The following SLC24A2 variants were observed in gnomAD, a reference collection of about 807,000 sequenced individuals.
SLC24A2 encodes the protein sodium/potassium/calcium exchanger 2.
A neutral mutation model predicts 62.0 loss-of-function variants in SLC24A2; 36 were observed. The ratio of observed to expected loss-of-function variants is 0.58; its 90% CI spans 0.44 to 0.77. SLC24A2 has a LOEUF of 0.77. SLC24A2 is among the 30% of genes least tolerant of loss of function. SLC24A2 has a pLI of 0.00. For missense variants in SLC24A2, 846 were observed against 817.9 expected, an observed-to-expected ratio of 1.03 and a Z score of -0.42; for synonymous variants, 358 against 294.0, an observed-to-expected ratio of 1.22 and a Z score of -2.23.
chr9:19,984,017 A>T, the SLC24A2 span, among the ~76,000 whole-genome samples: 2 of 152,224 alleles, frequency 1.3e-5, no homozygotes, highest in African/African-American at 4.8e-5. Context: ...CAATGTGGTT[A>T]TGTCCAGAGA....
the SLC24A2 span, among the ~76,000 whole-genome samples, chr9:19,906,109 G>C: frequency 2.0e-5 from 3 of 152,164 alleles, no homozygotes; most frequent in African/African-American, 7.2e-5. Flanking sequence ...TAAAAGAACT[G>C]AAATTATAAC....
intron 2 of SLC24A2, among the ~76,000 whole-genome samples, chr9:19,646,846 T>C (rs1284210875): frequency 6.6e-6 from 1 of 152,086 alleles, no homozygotes; most frequent in Non-Finnish European, 1.5e-5. Context: ...AACACATATA[T>C]GTACACATGC....
chr9:19,757,323 T>C (rs1370007335), intron 2 of SLC24A2, among the ~76,000 whole-genome samples: 1 of 152,146 alleles, frequency 6.6e-6, no homozygotes, highest in African/African-American at 2.4e-5. Flanking sequence ...GCAAAATACA[T>C]GGCTGTATAA....
At position 19,512,813 on chromosome 9, in the gene SLC24A2, T is replaced by C. The variant is rs1832766711; in HGVS notation, c.*3340A>G. 1 of 152,052 alleles carries C rather than the reference T, an allele frequency of 6.6e-6. No homozygotes were observed. The highest frequency in any genetic ancestry group is 2.4e-5 in the African/African-American group (1 of 41,392). The allele number at this position is 152,052 out of a possible 1,614,324, so 9.4% of individuals were successfully genotyped here. A position where few individuals can be genotyped will look rare whatever the true frequency, so the allele number is the denominator to read the frequency against. ...CCCTGCTCCAGAGAAGCAAAGAGAG[T>C]ATCTGCAGTCTAAATTTTTGCTTTG... On this transcript the variant is annotated 3_prime_UTR_variant, in exon 11 of 11. Transcript: ENST00000341998.
chr9:19,915,269 CTTTT>C, the SLC24A2 span, among the ~76,000 whole-genome samples: 1 of 152,196 alleles, frequency 6.6e-6, no homozygotes, highest in Non-Finnish European at 1.5e-5. Flanking sequence ...GCGCTTCGTT[CTTTT>C]TTATTGCCTA....
At chr9:19,625,681 T>C (rs1818015217) in intron 2 of SLC24A2, among the ~76,000 whole-genome samples, 2 of 130,604 alleles carry the variant, frequency 1.5e-5, no homozygotes, top group South Asian at 3.0e-4. Flanking sequence ...CATTTCCTTT[T>C]TTTTCTTTTC....
intron 2 of SLC24A2, among the ~76,000 whole-genome samples, chr9:19,759,128 C>T (rs964824169): frequency 6.6e-6 from 1 of 152,166 alleles, no homozygotes; most frequent in African/African-American, 2.4e-5. Context: ...ACAAAAGACA[C>T]CTACAAACAG....
At chr9:19,997,035 T>TG in the SLC24A2 span, among the ~76,000 whole-genome samples, 9 of 150,464 alleles carry the variant, frequency 6.0e-5, no homozygotes, top group African/African-American at 9.8e-5. Context: ...CAAAAGATGG[T>TG]GAAAAAAAAA....
the SLC24A2 span, among the ~76,000 whole-genome samples, chr9:19,840,423 G>A: frequency 6.6e-6 from 1 of 152,096 alleles, no homozygotes; most frequent in Non-Finnish European, 1.5e-5. Context: ...AATGTTTGAG[G>A]AGAGACTTAA....
intron 2 of SLC24A2, among the ~76,000 whole-genome samples, chr9:19,748,630 A>G (rs1187058390): frequency 6.6e-6 from 1 of 152,134 alleles, no homozygotes; most frequent in Non-Finnish European, 1.5e-5. Context: ...CAGTCCCTTC[A>G]TCTAGGCAGC....
At chr9:20,076,404 A>G in the SLC24A2 span, among the ~76,000 whole-genome samples, 6 of 152,166 alleles carry the variant, frequency 3.9e-5, no homozygotes, top group Non-Finnish European at 8.8e-5. Flanking sequence ...GGAAGTTCTG[A>G]TTACAGAAGA....
At chr9:20,281,812 A>G in the SLC24A2 span, among the ~76,000 whole-genome samples, 2 of 152,246 alleles carry the variant, frequency 1.3e-5, no homozygotes, top group African/African-American at 4.8e-5. Flanking sequence ...AAACATACAT[A>G]TAGAATAATC....
chr9:20,014,369 C>T, the SLC24A2 span, among the ~76,000 whole-genome samples: 1 of 152,076 alleles, frequency 6.6e-6, no homozygotes, highest in East Asian at 1.9e-4. Context: ...AGTAACCCCA[C>T]TTCTGGGTAT....
At chr9:19,825,465 G>A in the SLC24A2 span, among the ~76,000 whole-genome samples, 1 of 152,118 alleles carries the variant, frequency 6.6e-6, no homozygotes, top group Admixed American at 6.6e-5. Flanking sequence ...TATGATTTAG[G>A]CTGTAGTGTG....
chr9:20,206,090 A>C, the SLC24A2 span, among the ~76,000 whole-genome samples: 7 of 152,324 alleles, frequency 4.6e-5, no homozygotes, highest in East Asian at 1.3e-3. Flanking sequence ...TAGACCAATA[A>C]ATTTTTATGT....
At chr9:20,159,306 T>G in the SLC24A2 span, among the ~76,000 whole-genome samples, 283 of 151,708 alleles carry the variant, frequency 1.9e-3, 5 homozygotes, top group South Asian at 0.033. Flanking sequence ...TACACACACA[T>G]CCCATCACGA....
chr9:19,755,506 G>A (rs944650982), intron 2 of SLC24A2, among the ~76,000 whole-genome samples: 2 of 152,210 alleles, frequency 1.3e-5, no homozygotes, highest in African/African-American at 2.4e-5. Flanking sequence ...CTGTGTTACG[G>A]AAATAGTGTG....
the SLC24A2 span, among the ~76,000 whole-genome samples, chr9:20,152,889 A>C: frequency 1.3e-5 from 2 of 151,834 alleles, no homozygotes; most frequent in Non-Finnish European, 2.9e-5. Context: ...ATCTTTTGTC[A>C]AAGAGTGCCT....
the SLC24A2 span, among the ~76,000 whole-genome samples, chr9:19,861,927 T>C: frequency 1.3e-5 from 2 of 151,902 alleles, no homozygotes; most frequent in African/African-American, 2.4e-5. Context: ...TAAAAACCAA[T>C]GAAGCATGTC....
Sources: allele counts gnomAD v4.1 joint callset (sites outside exome capture counted in the v4.1 genomes callset), GRCh38; gene constraint gnomAD v4.1.1; transcripts MANE v1.5; gene names NCBI Gene and HGNC (gene_info 2026-07-23, HGNC 2026-07-21).